The following SLC24A1 variants were observed in gnomAD, a reference collection of about 807,000 sequenced individuals.
SLC24A1 encodes solute carrier family 24 member 1.
A neutral mutation model predicts 88.1 loss-of-function variants in SLC24A1; 52 were observed. The observed-to-expected ratio is 0.59, with a 90% CI of 0.47 to 0.74. The LOEUF (loss-of-function observed/expected upper bound fraction) is 0.74. Ranked by LOEUF, SLC24A1 falls within the 30% of genes least tolerant of loss-of-function variation. The pLI, the probability that SLC24A1 is intolerant of heterozygous loss-of-function variation, is 0.00. For synonymous variants in SLC24A1, 455 were observed against 498.0 expected (o/e 0.91, Z 1.15); for missense variants, 1,173 against 1,363.3 (o/e 0.86, Z 2.20).
intron 3 of SLC24A1, among the ~76,000 whole-genome samples, chr15:65,639,162 T>C (rs116505530): frequency 1.8e-4 from 27 of 152,312 alleles, no homozygotes; most frequent in African/African-American, 6.5e-4. Flanking sequence ...GGATCATAGC[T>C]TTGCTTGTCT....
upstream of SLC24A1, among the ~76,000 whole-genome samples, chr15:65,621,429 A>C (rs998630922): frequency 6.6e-6 from 1 of 152,192 alleles, no homozygotes; most frequent in East Asian, 1.9e-4. Flanking sequence ...GGCCTAATAA[A>C]ATAGATTTCA....
chr15:65,644,553 C>G (rs1287925211), intron 5 of SLC24A1, 40 bp downstream of exon 5: 5 of 1,388,736 alleles, frequency 3.6e-6, no homozygotes, highest in African/African-American at 2.9e-5. Flanking sequence ...CTCCTGCCCC[C>G]CTCTCCCTGC....
In SLC24A1 at chr15:65,638,138, G is replaced by A. The variant is rs1219274227; in HGVS notation, c.1901G>A (p.Gly634Glu). ...ALEDLSKPGDGAIAVDELQDN... is the reference protein window; with the variant it reads ...ALEDLSKPGDEAIAVDELQDN... ...TCTCCCTGTTTGCAGCCGGGCGATG[G>A]GGCCATTGCGGTGGATGAGCTACAG... The change falls in exon 3 of 10, where the codon GGG becomes GAG. Residue 634 changes from glycine to glutamate, a missense_variant. Physicochemically the swap from Gly to Glu is moderately conservative, Grantham distance 98. Transcript: ENST00000261892. 14 of 1,610,106 alleles carry A rather than the reference G, an allele frequency of 8.7e-6. No individual in the cohort carries two copies. Among genetic ancestry groups the A allele is most frequent in the South Asian group, 1.1e-5 (1 of 90,004 alleles).
downstream of SLC24A1, chr15:65,660,308 G>A (rs529757015): frequency 6.5e-7 from 1 of 1,535,142 alleles, no homozygotes; most frequent in South Asian, 1.2e-5. Context: ...TTTCAGCATG[G>A]TGCTATTCAC....
At position 65,644,455 on chromosome 15, in the gene SLC24A1, G is replaced by A. The variant is rs2075237469; in HGVS notation, c.2082G>A (p.Glu694=). The change falls in exon 5 of 10, where the codon GAG becomes GAA. Residue 694 remains glutamate, a synonymous_variant. Transcript: ENST00000261892. ...GCCTTGCCAAGGAGAAGGAGGAGGA[G>A]AGCTTGAATCAAGGGGCCAGAGCCC... The part of the protein sequence containing the change: ...EVRLAKEKEE[E]SLNQGARAQP... 1.9e-6 allele frequency: 3 copies of A among 1,596,774 alleles called. No homozygotes were observed. The highest frequency in any genetic ancestry group is 2.6e-6 in the Non-Finnish European group (3 of 1,171,896).
chr15:65,625,525 G>T lies in SLC24A1; in HGVS notation c.1445G>T (p.Gly482Val), dbSNP rs199589503. 2.6e-5 allele frequency: 42 copies of T among 1,613,918 alleles called. No homozygotes were observed. Among genetic ancestry groups the T allele is most frequent in the Non-Finnish European group, 3.5e-5 (41 of 1,179,912 alleles). Residue 482 changes from glycine to valine, a missense_variant, in exon 2 of 10, where the codon GGT becomes GTT. Physicochemically the swap from Gly to Val is moderately radical, Grantham distance 109. Transcript: ENST00000261892. ...GACGAGTACTTCGTTCCAGCCCTGG[G>T]TGTCATCACAGACAAGCTGCAGATC... The part of the protein sequence containing the change: ...VCDEYFVPAL[G>V]VITDKLQISE...
downstream of SLC24A1, among the ~76,000 whole-genome samples, chr15:65,656,986 C>T (rs1001371577): frequency 3.3e-5 from 5 of 152,196 alleles, no homozygotes; most frequent in African/African-American, 1.2e-4. Flanking sequence ...CCTCCCGCCT[C>T]AGCCCCCCAA....
intron 6 of SLC24A1, among the ~76,000 whole-genome samples, chr15:65,647,854 C>T (rs1351639485): frequency 6.6e-6 from 1 of 152,108 alleles, no homozygotes; most frequent in Non-Finnish European, 1.5e-5. Flanking sequence ...TGGGGGTTCT[C>T]AACCCTGGTT....
intron 1 of SLC24A1, among the ~76,000 whole-genome samples, chr15:65,623,531 A>G (rs1344587324): frequency 6.6e-6 from 1 of 152,208 alleles, no homozygotes; most frequent in East Asian, 1.9e-4. Flanking sequence ...CTTTTTGTCT[A>G]TAGCTTAAAG....
In SLC24A1 at chr15:65,624,940, T is replaced by G. The variant is rs1306592809; in HGVS notation, c.860T>G (p.Val287Gly). The change falls in exon 2 of 10, where the codon GTG becomes GGG. Residue 287 changes from valine to glycine, a missense_variant. By Grantham distance (109) the Val-to-Gly change is moderately radical (BLOSUM62 -3). Coordinates refer to ENST00000261892, the MANE Select transcript of SLC24A1 (RefSeq NM_004727.3). ...AACAACCTGTTTCCCCCCAGAAGAG[T>G]GGAAAGTAACAGCTCAGCCCATCCC... ...EKNNLFPPRR[V>G]ESNSSAHPWG... is the part of the protein sequence containing the mutation. 6 of 1,610,664 alleles carry G rather than the reference T, an allele frequency of 3.7e-6. No homozygotes were observed. Among genetic ancestry groups the G allele is most frequent in the Non-Finnish European group, 5.1e-6 (6 of 1,178,806 alleles).
chr15:65,629,184 T>C (rs1263313833), intron 2 of SLC24A1, among the ~76,000 whole-genome samples: 1 of 152,242 alleles, frequency 6.6e-6, no homozygotes, highest in South Asian at 2.1e-4. Flanking sequence ...ATTTTATTAC[T>C]GGATATTCAC....
intron 2 of SLC24A1, among the ~76,000 whole-genome samples, chr15:65,630,034 G>A (rs1253658981): frequency 6.6e-6 from 1 of 152,146 alleles, no homozygotes; most frequent in Non-Finnish European, 1.5e-5. Context: ...GCTCAAGCAC[G>A]ACTCACTACA....
rs1343734432 is a variant in SLC24A1 at position 65,654,817 on chromosome 15, T to A, written c.*738T>A. On this transcript the variant is annotated 3_prime_UTR_variant, in exon 10 of 10. Transcript: ENST00000261892. ...ACCTCCCCGGTTCAAGCAATTCTCC[T>A]GCCTCAGCCTGAAGTCGTGATCTGC... 3 of 1,041,092 alleles carry A rather than the reference T, an allele frequency of 2.9e-6. No individual in the cohort carries two copies. The South Asian group carries it at 4.4e-5, about 15-fold the overall frequency. The allele number at this position is 1,041,092 out of a possible 1,614,324, so 64.5% of individuals were successfully genotyped here.
Position 65,624,543 on chromosome 15 carries a change from A to T in SLC24A1, c.463A>T (p.Thr155Ser), listed in dbSNP as rs2074433806. 1 of 1,600,996 alleles carries T rather than the reference A, an allele frequency of 6.2e-7. No individual in the cohort carries two copies. The highest frequency in any genetic ancestry group is 1.3e-5 in the African/African-American group (1 of 74,614). ...PTSSRTLTYY[T>S]STSSRQIVKK... ...ATCCAGTAGAACACTGACTTACTAC[A>T]CCTCAACTTCAAGCAGACAAATAGT... The change falls in exon 2 of 10, where the codon ACC becomes TCC. Residue 155 changes from threonine (T) to serine (S), a missense_variant. Thr to Ser is a moderately conservative substitution (Grantham distance 58, BLOSUM62 1). Transcript: ENST00000261892.
chr15:65,611,414 A>C lies in SLC24A1; in HGVS notation c.-615A>C, dbSNP rs2073947214. On this transcript the variant is annotated 5_prime_UTR_variant, in exon 1 of 12. Coordinates refer to the SLC24A1 transcript ENST00000537259. The stretch of plus-strand genomic sequence containing the variant: ...TGCCGTGTCTCTCTGCATTGCCCTG[A>C]ATCTCTCCCCATTCTCGGGCTCTTT... 1.2e-5 allele frequency: 7 copies of C among 571,252 alleles called. No homozygotes were observed. The South Asian group carries it at 1.4e-4, about 12-fold the overall frequency. The allele number at this position is 571,252 out of a possible 1,614,324, so 35.4% of individuals were successfully genotyped here.
At chr15:65,652,829 C>A (rs2075550884) in intron 9 of SLC24A1, 21 bp downstream of exon 9, 2 of 1,573,326 alleles carry the variant, frequency 1.3e-6, no homozygotes, top group Non-Finnish European at 1.7e-6. Context: ...ATGTAACTTT[C>A]TAAGGGGTGT....
chr15:65,655,563 A>G lies in SLC24A1; in HGVS notation c.*1484A>G, dbSNP rs1465463540. The stretch of plus-strand genomic sequence containing the variant: ...GAATCAAGTTAAGGGACACGTTAGA[A>G]ATAGAACAGCTTAATATCACTGGCT... On this transcript the variant is annotated 3_prime_UTR_variant, in exon 10 of 10. Coordinates refer to ENST00000261892, the MANE Select transcript of SLC24A1 (RefSeq NM_004727.3). 2.0e-6 allele frequency: 2 copies of G among 985,456 alleles called. No homozygotes were observed. The highest frequency in any genetic ancestry group is 5.2e-4 in the Middle Eastern group (1 of 1,914). 61.0% of individuals were successfully genotyped at this position (985,456 alleles called of 1,614,324 possible).
chr15:65,640,819 G>A (rs1399943117), intron 4 of SLC24A1, among the ~76,000 whole-genome samples: 1 of 152,126 alleles, frequency 6.6e-6, no homozygotes, highest in East Asian at 1.9e-4. Flanking sequence ...AGCATCTTGG[G>A]AGGCCGAGGC....
intron 5 of SLC24A1, 77 bp downstream of exon 5, chr15:65,644,590 C>T (rs749994162): frequency 9.8e-7 from 1 of 1,019,654 alleles, no homozygotes; most frequent in South Asian, 1.4e-5. Flanking sequence ...GGCCTGGAGG[C>T]AGCAGCCAGC....
Sources: allele counts gnomAD v4.1 joint callset (sites outside exome capture counted in the v4.1 genomes callset), GRCh38; gene constraint gnomAD v4.1.1; transcripts MANE v1.5; gene names NCBI Gene and HGNC (gene_info 2026-07-23, HGNC 2026-07-21).